The following TLR6 variants were observed in gnomAD, a reference collection of about 807,000 sequenced individuals.
The protein encoded by TLR6 is toll like receptor 6.
In TLR6, 9 loss-of-function variants were observed where a neutral mutation model predicts 16.1. The observed-to-expected ratio is 0.56, with a 90% CI of 0.34 to 0.98. The LOEUF (loss-of-function observed/expected upper bound fraction) is 0.98. Ranked by LOEUF, TLR6 falls within the 50% of genes least tolerant of loss-of-function variation. TLR6 has a pLI of 0.02. For synonymous variants in TLR6, 340 were observed against 338.6 expected (o/e 1.00, Z -0.04); for missense variants, 786 against 921.0 (o/e 0.85, Z 1.90).
At chr4:38,856,932 C>T (rs1162900644), upstream of TLR6, 1 of 152,216 alleles carries the variant, frequency 6.6e-6, no homozygotes. Context: ...TTTTACCTTT[C>T]AAAGGTCCGG....
exon 2 of TLR6, chr4:38,826,973 C>G: frequency 5.5e-6 from 5 of 902,844 alleles, no homozygotes; most frequent in Non-Finnish European, 8.1e-6. Flanking sequence ...TTAAGTCTTT[C>G]CTGAAGGCAT....
At chr4:38,827,681 A>C in exon 2 of TLR6, 1 of 1,614,236 alleles carries the variant, frequency 6.2e-7, no homozygotes, top group Non-Finnish European at 8.5e-7. Flanking sequence ...AGTCACAGCC[A>C]ACACCAGCAT....
upstream of TLR6, chr4:38,856,860 G>A (rs1261641413): frequency 6.6e-6 from 1 of 152,130 alleles, no homozygotes; most frequent in Non-Finnish European, 1.5e-5. Context: ...TGAGTAAAGC[G>A]GTACCTTAGA....
the TLR6 span, among the ~76,000 whole-genome samples, chr4:38,862,083 A>ATG: frequency 6.6e-6 from 1 of 152,160 alleles, no homozygotes; most frequent in African/African-American, 2.4e-5. Flanking sequence ...TCTTCCCCTG[A>ATG]AATTCTATAA....
intron 1 of TLR6, among the ~76,000 whole-genome samples, chr4:38,849,114 G>A (rs1306632209): frequency 6.6e-6 from 1 of 152,112 alleles, no homozygotes; most frequent in African/African-American, 2.4e-5. Context: ...AGAGAGTGGG[G>A]GCCAATATTC....
chr4:38,858,899 G>GA (rs1215800002), upstream of TLR6, among the ~76,000 whole-genome samples: 3 of 146,374 alleles, frequency 2.0e-5, no homozygotes, highest in South Asian at 4.4e-4. Flanking sequence ...GAGAAAGAAA[G>GA]AAAGAAAAGA....
chr4:38,854,935 C>A (rs920457129), intron 1 of TLR6, among the ~76,000 whole-genome samples: 2 of 152,136 alleles, frequency 1.3e-5, no homozygotes, highest in East Asian at 1.9e-4. Context: ...TATGGCCGGG[C>A]GCAGTGGCTC....
the TLR6 span, among the ~76,000 whole-genome samples, chr4:38,862,753 G>A: frequency 2.0e-5 from 3 of 151,040 alleles, no homozygotes; most frequent in Admixed American, 6.6e-5. Context: ...GTGCCACCAC[G>A]CCCAGTTAAT....
At chr4:38,829,442 C>A (rs1255569234) in exon 2 of TLR6, 4 of 1,613,238 alleles carry the variant, frequency 2.5e-6, no homozygotes, top group Non-Finnish European at 3.4e-6. Context: ...AAAATGGAAG[C>A]TTTTAACAAT....
intron 1 of TLR6, among the ~76,000 whole-genome samples, chr4:38,847,888 A>G (rs1322710249): frequency 6.6e-6 from 1 of 152,226 alleles, no homozygotes; most frequent in East Asian, 1.9e-4. Flanking sequence ...GGCAGCAGAA[A>G]CCTCTGCAGA....
chr4:38,849,651 T>C (rs1340670716), intron 1 of TLR6, among the ~76,000 whole-genome samples: 3 of 149,492 alleles, frequency 2.0e-5, no homozygotes, highest in Admixed American at 6.6e-5. Flanking sequence ...AAACAAACTA[T>C]AAACTAACAA....
chr4:38,864,660 G>GA, the TLR6 span, among the ~76,000 whole-genome samples: 1 of 152,146 alleles, frequency 6.6e-6, no homozygotes, highest in African/African-American at 2.4e-5. Flanking sequence ...CTAAAACATT[G>GA]AAAAACAATT....
At chr4:38,861,218 G>A (rs951914572), upstream of TLR6, among the ~76,000 whole-genome samples, 46 of 151,772 alleles carry the variant, frequency 3.0e-4, no homozygotes, top group African/African-American at 1.1e-3. Flanking sequence ...ATTTCAATCC[G>A]ATACCACCCC....
At chr4:38,832,909 C>T (rs1359343431) in intron 1 of TLR6, among the ~76,000 whole-genome samples, 1 of 152,168 alleles carries the variant, frequency 6.6e-6, no homozygotes, top group African/African-American at 2.4e-5. Context: ...TTACAGCAAC[C>T]CCATCTTCCC....
chr4:38,847,299 G>C (rs567240028), intron 1 of TLR6, among the ~76,000 whole-genome samples: 1 of 152,136 alleles, frequency 6.6e-6, no homozygotes, highest in Non-Finnish European at 1.5e-5. Flanking sequence ...ACACATTAGG[G>C]GGGGTGGTTC....
At chr4:38,845,090 G>A (rs1417510404) in intron 1 of TLR6, among the ~76,000 whole-genome samples, 1 of 152,130 alleles carries the variant, frequency 6.6e-6, no homozygotes. Context: ...AGTCAAAAGG[G>A]TGGCTTGTAT....
chr4:38,831,994 T>C (rs1019772920), intron 1 of TLR6, among the ~76,000 whole-genome samples: 1 of 152,210 alleles, frequency 6.6e-6, no homozygotes, highest in Non-Finnish European at 1.5e-5. Context: ...ATCACATTCC[T>C]GGGTATTTAA....
In TLR6 at chr4:38,824,508, A is replaced by T. The variant is rs144408528; in HGVS notation, c.*2575T>A. The T allele has an allele frequency of 2.0e-5, 3 of 152,338 alleles. No individual in the cohort carries two copies. The East Asian group carries it at 5.8e-4, about 29-fold the overall frequency. The allele number at this position is 152,338 out of a possible 1,614,324, so 9.4% of individuals were successfully genotyped here. ...CAATGTCAACAATATTTTGTGGGAAACATTGATACCATTTAAAAAGATCTG... is the reference window on the plus strand; with the variant it reads ...CAATGTCAACAATATTTTGTGGGAATCATTGATACCATTTAAAAAGATCTG... On this transcript the variant is annotated 3_prime_UTR_variant, in exon 2 of 2. Transcript: ENST00000436693.
chr4:38,828,385 G>A lies in TLR6; in HGVS notation c.1089C>T (p.Asn363=), dbSNP rs546587627. The change falls in exon 2 of 2, where the codon AAC becomes AAT. Residue 363 remains asparagine (N), a synonymous_variant. Coordinates refer to ENST00000436693, the Ensembl canonical transcript of TLR6. ...TTTCAAAAATACTATCTGTGAAAAC[G>A]TTCTGGGTAAAGTTCAAAAACTTGA... 1.9e-5 allele frequency: 30 copies of A among 1,612,892 alleles called. No individual in the cohort carries two copies. The East Asian group carries it at 2.0e-4, about 11-fold the overall frequency.
Sources: gnomAD v4.1 joint callset for allele counts (sites outside exome capture counted in the v4.1 genomes callset) on GRCh38, gnomAD v4.1.1 for gene constraint, MANE v1.5 for transcripts, NCBI Gene and HGNC (gene_info 2026-07-23, HGNC 2026-07-21) for gene names.